The following TRPM1 variants were observed in gnomAD, a reference collection of about 807,000 sequenced individuals.
TRPM1 encodes the protein TRPM1-203 APA Isoform, Intron 10.
In TRPM1, 113 loss-of-function variants were observed where a neutral mutation model predicts 149.4. The observed-to-expected ratio is 0.76, with a 90% CI of 0.65 to 0.88. TRPM1 has a LOEUF of 0.88. Among genes scored for constraint, TRPM1 ranks in the 40% least tolerant of loss-of-function variants. The probability of loss-of-function intolerance (pLI) is 0.00; values close to 1 mark genes in which losing one functional copy is unlikely to be tolerated. For synonymous variants in TRPM1, 741 were observed against 759.5 expected (o/e 0.98, Z 0.40); for missense variants, 1,976 against 2,038.7 (o/e 0.97, Z 0.59).
intron 1 of TRPM1, among the ~76,000 whole-genome samples, chr15:31,121,910 A>G (rs2035886580): frequency 6.6e-6 from 1 of 152,210 alleles, no homozygotes; most frequent in South Asian, 2.1e-4. Context: ...CATAAATGCA[A>G]AAATTCCTCA....
intron 1 of TRPM1, among the ~76,000 whole-genome samples, chr15:31,088,640 C>T (rs939503229): frequency 4.6e-5 from 7 of 152,192 alleles, no homozygotes; most frequent in Admixed American, 6.5e-5. Context: ...GAACAAACTG[C>T]GGACATGCCA....
chr15:31,059,977 TCA>T (rs970053223), intron 11 of TRPM1, among the ~76,000 whole-genome samples: 6 of 151,416 alleles, frequency 4.0e-5, no homozygotes, highest in African/African-American at 1.5e-4. Context: ...TCATCCCATA[TCA>T]CACACACACA....
intron 1 of TRPM1, among the ~76,000 whole-genome samples, chr15:31,090,420 C>T (rs552204852): frequency 1.3e-4 from 20 of 152,206 alleles, no homozygotes; most frequent in African/African-American, 3.1e-4. Context: ...AGGCCGGTCA[C>T]GAGGTCAGGG....
chr15:31,098,869 G>A (rs954826646), intron 1 of TRPM1, among the ~76,000 whole-genome samples: 8 of 152,116 alleles, frequency 5.3e-5, no homozygotes, highest in African/African-American at 1.9e-4. Flanking sequence ...GCCAGAAGCC[G>A]TGAGGGAGGG....
Position 31,031,247 on chromosome 15 carries a change from T to G in TRPM1, c.2953-90A>C. On this transcript the variant is annotated intron_variant, in intron 22 of 27. Transcript: ENST00000256552. ...TATATTGCTGTCTCCAATTAAGCAC[T>G]TCACGAGTGCTTAATTAGGACGAAG... 3 of 1,418,534 alleles carry G rather than the reference T, an allele frequency of 2.1e-6. No homozygotes were observed. The South Asian group carries it at 3.5e-5, about 16-fold the overall frequency. 87.9% of individuals were successfully genotyped at this position (1,418,534 alleles called of 1,614,324 possible).
chr15:31,024,397 C>A (rs937360468), intron 27 of TRPM1, among the ~76,000 whole-genome samples: 1 of 152,182 alleles, frequency 6.6e-6, no homozygotes, highest in African/African-American at 2.4e-5. Flanking sequence ...TCTCCTCAAG[C>A]CTTCTCCTCT....
chr15:31,010,060 G>A (rs1255906197), intron 27 of TRPM1, among the ~76,000 whole-genome samples: 2 of 152,140 alleles, frequency 1.3e-5, no homozygotes, highest in African/African-American at 4.8e-5. Context: ...CCCCAGGTGA[G>A]TTGAGATTTT....
chr15:31,119,725 AG>A (rs1179579683), intron 1 of TRPM1, among the ~76,000 whole-genome samples: 6 of 152,212 alleles, frequency 3.9e-5, no homozygotes, highest in African/African-American at 1.4e-4. Context: ...TATAAGGAAC[AG>A]GAGTGTAAAA....
chr15:31,138,076 G>A (rs1183079999), intron 1 of TRPM1, among the ~76,000 whole-genome samples: 1 of 152,126 alleles, frequency 6.6e-6, no homozygotes, highest in Admixed American at 6.5e-5. Context: ...GCCAAGCAAA[G>A]CCTGAAAAAT....
chr15:31,089,030 TG>T (rs780784383), intron 1 of TRPM1, among the ~76,000 whole-genome samples: 4 of 152,108 alleles, frequency 2.6e-5, no homozygotes, highest in Non-Finnish European at 5.9e-5. Flanking sequence ...GGCACTCAAA[TG>T]GGGGTATCAG....
At chr15:31,133,665 G>C (rs1174611314) in intron 1 of TRPM1, among the ~76,000 whole-genome samples, 3 of 151,088 alleles carry the variant, frequency 2.0e-5, no homozygotes, top group African/African-American at 7.3e-5. Flanking sequence ...CTAGGTGACA[G>C]AGCGAGACTG....
chr15:31,125,583 A>C (rs1218518150), intron 1 of TRPM1, among the ~76,000 whole-genome samples: 2 of 148,280 alleles, frequency 1.3e-5, no homozygotes, highest in Non-Finnish European at 3.0e-5. Context: ...ACAAAAAATT[A>C]GCCGGGCGTA....
intron 1 of TRPM1, among the ~76,000 whole-genome samples, chr15:31,120,388 T>C (rs187525116): frequency 6.6e-6 from 1 of 152,254 alleles, no homozygotes; most frequent in Admixed American, 6.5e-5. Flanking sequence ...AACAATGATG[T>C]CAGTTTGCAA....
chr15:31,053,110 T>A (rs2033990455), intron 11 of TRPM1, among the ~76,000 whole-genome samples: 1 of 152,078 alleles, frequency 6.6e-6, no homozygotes, highest in Non-Finnish European at 1.5e-5. Flanking sequence ...GCAAGAGACT[T>A]GAATAGACAT....
upstream of TRPM1, among the ~76,000 whole-genome samples, chr15:31,104,004 T>C (rs1171617832): frequency 6.6e-6 from 1 of 152,022 alleles, no homozygotes; most frequent in East Asian, 1.9e-4. Context: ...ATGAAGTCAC[T>C]TGGATGACCT....
intron 27 of TRPM1, among the ~76,000 whole-genome samples, chr15:31,014,996 G>A (rs949218940): frequency 1.3e-5 from 2 of 152,104 alleles, no homozygotes; most frequent in Non-Finnish European, 2.9e-5. Context: ...ACTTGAGGCA[G>A]GGGGTGGGGG....
chr15:31,115,783 A>G (rs866567404), intron 1 of TRPM1, among the ~76,000 whole-genome samples: 2 of 151,830 alleles, frequency 1.3e-5, no homozygotes, highest in South Asian at 4.2e-4. Flanking sequence ...GTCTTAGTCC[A>G]TTCAAGCGGC....
At chr15:31,143,480 G>A (rs1443248763) in intron 1 of TRPM1, among the ~76,000 whole-genome samples, 2 of 152,126 alleles carry the variant, frequency 1.3e-5, no homozygotes, top group African/African-American at 4.8e-5. Flanking sequence ...GGAGTGCAGT[G>A]GTGCTATCTT....
chr15:31,151,703 C>T (rs1399751448), intron 1 of TRPM1, among the ~76,000 whole-genome samples: 1 of 152,244 alleles, frequency 6.6e-6, no homozygotes, highest in African/African-American at 2.4e-5. Flanking sequence ...GGTTCCCTCC[C>T]TGTCCCACAT....
Sources: allele counts gnomAD v4.1 joint callset (sites outside exome capture counted in the v4.1 genomes callset), GRCh38; gene constraint gnomAD v4.1.1; transcripts MANE v1.5; gene names NCBI Gene and HGNC (gene_info 2026-07-23, HGNC 2026-07-21).